Variants in WNT11 observed in about 807,000 individuals in gnomAD.
WNT11 encodes the protein Wnt family member 11.
WNT11 carries 20 observed loss-of-function variants against 35.6 expected under a neutral mutation model. That is an observed-to-expected ratio of 0.56 (90% CI 0.40 to 0.82). The LOEUF is 0.82. Among genes scored for constraint, WNT11 ranks in the 40% least tolerant of loss-of-function variants. The pLI is 0.00. For synonymous variants in WNT11, 200 were observed against 211.9 expected, an observed-to-expected ratio of 0.94 and a Z score of 0.49; for missense variants, 459 against 504.4, an observed-to-expected ratio of 0.91 and a Z score of 0.86.
upstream of WNT11, chr11:76,206,743 G>A (rs1249030162): frequency 4.9e-6 from 1 of 203,016 alleles, no homozygotes. Flanking sequence ...GGGGCAGCCG[G>A]AAGGAGGGAC....
chr11:76,190,129 C>A (rs1395179185), intron 4 of WNT11, among the ~76,000 whole-genome samples: 2 of 152,126 alleles, frequency 1.3e-5, no homozygotes, highest in East Asian at 3.9e-4. Context: ...ACTCGACAAC[C>A]CTGTGAGCGG....
upstream of WNT11, chr11:76,206,591 G>C: frequency 4.2e-6 from 5 of 1,176,552 alleles, no homozygotes; most frequent in Non-Finnish European, 5.3e-6. Context: ...TCGGGGCCCG[G>C]GGAGGCCGAG....
intron 1 of WNT11, 123 bp downstream of exon 1, chr11:76,206,202 A>T: frequency 1.1e-6 from 1 of 897,668 alleles, no homozygotes; most frequent in Non-Finnish European, 1.5e-6. Context: ...TGACTTGCCC[A>T]CGACCGCCAA....
Position 76,187,248 on chromosome 11 carries a change from G to C in WNT11, c.891-9C>G, listed in dbSNP as rs772714967. ...ATGTCTTGTTGCACTGCCTATTGTGGGGGCAGGAAGGAGGTCAGTGCATGC... is the reference window on the plus strand; with the variant it reads ...ATGTCTTGTTGCACTGCCTATTGTGCGGGCAGGAAGGAGGTCAGTGCATGC... On this transcript the variant is annotated splice_polypyrimidine_tract_variant and intron_variant, in intron 4 of 4. Coordinates refer to ENST00000322563, the MANE Select transcript of WNT11 (RefSeq NM_004626.3). 1.3e-6 allele frequency: 2 copies of C among 1,599,168 alleles called. No homozygotes were observed. Among genetic ancestry groups the C allele is most frequent in the Non-Finnish European group, 1.7e-6 (2 of 1,178,984 alleles).
Position 76,194,492 on chromosome 11 carries a change from G to A in WNT11, c.597+75C>T. On this transcript the variant is annotated intron_variant, in intron 3 of 4. Transcript: ENST00000322563. The surrounding 1 kb of genome is among the most constrained non-coding windows in gnomAD (Gnocchi z 5.4). ...CGTCCCCCCGCACCCCCCACCACTG[G>A]GGCAAGCTGGGTGGCCCTTTTCTGG... 6.7e-7 allele frequency: 1 copy of A among 1,486,704 alleles called. No individual in the cohort carries two copies. Among genetic ancestry groups the A allele is most frequent in the Non-Finnish European group, 9.0e-7 (1 of 1,111,218 alleles). 92.1% of individuals were successfully genotyped at this position (1,486,704 alleles called of 1,614,324 possible).
chr11:76,197,241 C>T (rs1027667035), intron 1 of WNT11, among the ~76,000 whole-genome samples: 2 of 152,216 alleles, frequency 1.3e-5, no homozygotes, highest in African/African-American at 2.4e-5. Context: ...CATGTGATTA[C>T]TAAACCCATT....
rs1953293491 is a variant in WNT11 at position 76,196,654 on chromosome 11, C to A, written c.148G>T (p.Gly50Cys). 6.2e-7 allele frequency: 1 copy of A among 1,613,676 alleles called. No individual in the cohort carries two copies. Among genetic ancestry groups the A allele is most frequent in the Non-Finnish European group, 8.5e-7 (1 of 1,180,012 alleles). ...NQTQHCKQLE[G>C]LVSAQVQLCR... ...AGCTGCACCTGTGCAGACACCAGAC[C>A]CTCCAGCTGCTTGCAGTGTTGCGTC... Residue 50 changes from glycine (G) to cysteine (C), a missense_variant, in exon 2 of 5, where the codon GGT becomes TGT. By Grantham distance (159) the Gly-to-Cys change is radical (BLOSUM62 -3). Transcript: ENST00000322563.
intron 1 of WNT11, among the ~76,000 whole-genome samples, chr11:76,205,034 G>A (rs1216796938): frequency 6.6e-6 from 1 of 152,180 alleles, no homozygotes; most frequent in Non-Finnish European, 1.5e-5. Flanking sequence ...AAAGGAAGGT[G>A]GCTGGTTTCT....
intron 1 of WNT11, among the ~76,000 whole-genome samples, chr11:76,201,346 A>C (rs1953373287): frequency 6.6e-6 from 1 of 152,234 alleles, no homozygotes; most frequent in Non-Finnish European, 1.5e-5. Flanking sequence ...GGCGGGAGGC[A>C]GCAGATTCCA....
At chr11:76,205,241 C>T (rs1215245077) in intron 1 of WNT11, among the ~76,000 whole-genome samples, 1 of 152,208 alleles carries the variant, frequency 6.6e-6, no homozygotes, top group Admixed American at 6.5e-5. Flanking sequence ...CCACTATCAC[C>T]CTGTCTTCCA....
At chr11:76,204,826 C>T (rs1953446158) in intron 1 of WNT11, among the ~76,000 whole-genome samples, 1 of 152,098 alleles carries the variant, frequency 6.6e-6, no homozygotes, top group Non-Finnish European at 1.5e-5. Context: ...GGGATGATGG[C>T]AGTGACCCCA....
chr11:76,189,116 A>G (rs1468918684), intron 4 of WNT11, among the ~76,000 whole-genome samples: 3 of 152,252 alleles, frequency 2.0e-5, no homozygotes, highest in Non-Finnish European at 2.9e-5. Flanking sequence ...GTGTGACTTA[A>G]GGCAGGTCAC....
intron 3 of WNT11, 101 bp from the exon 4 acceptor site, chr11:76,191,957 G>C (rs1953192617): frequency 7.3e-7 from 1 of 1,379,066 alleles, no homozygotes; most frequent in Non-Finnish European, 9.7e-7. Flanking sequence ...CTCTCAGGGA[G>C]TCACTGCCTG....
chr11:76,196,749 G>A (rs1953294919), intron 1 of WNT11, 31 bp from the exon 2 acceptor site: 2 of 1,552,384 alleles, frequency 1.3e-6, no homozygotes, highest in Non-Finnish European at 1.7e-6. Context: ...ATGACCGATG[G>A]AAGGAGAGAC....
chr11:76,210,058 C>T (rs771128670), upstream of WNT11, among the ~76,000 whole-genome samples: 18 of 151,170 alleles, frequency 1.2e-4, no homozygotes, highest in African/African-American at 3.9e-4. Context: ...CCCCCGCCCA[C>T]CACACACACC....
intron 4 of WNT11, 77 bp from the exon 5 acceptor site, chr11:76,187,316 C>A (rs1953112870): frequency 7.2e-7 from 1 of 1,393,218 alleles, no homozygotes. Flanking sequence ...CCCAGCCAGG[C>A]AGCCGGCAGC....
intron 4 of WNT11, 30 bp downstream of exon 4, chr11:76,191,534 C>T (rs1953183564): frequency 6.3e-7 from 1 of 1,597,776 alleles, no homozygotes; most frequent in Non-Finnish European, 8.6e-7. Context: ...ACCAGTGACC[C>T]TTTCCCACCA....
Position 76,186,342 on chromosome 11 carries a change from A to C in WNT11, c.*723T>G, listed in dbSNP as rs951764061. ...AAGCCGCCTTGCCTGGAAACTGGAG[A>C]GCTCCCTCTGCCAGCCCCAGGGTCT... is the stretch of plus-strand genomic sequence containing the variant. On this transcript the variant is annotated 3_prime_UTR_variant, in exon 5 of 5. Coordinates refer to ENST00000322563, the MANE Select transcript of WNT11 (RefSeq NM_004626.3). 6.6e-6 allele frequency: 1 copy of C among 151,760 alleles called. No homozygotes were observed. Among genetic ancestry groups the C allele is most frequent in the Admixed American group, 6.6e-5 (1 of 15,248 alleles). 9.4% of individuals were successfully genotyped at this position (151,760 alleles called of 1,614,324 possible). A position where few individuals can be genotyped will look rare whatever the true frequency, so the allele number is the denominator to read the frequency against.
chr11:76,195,652 G>A (rs986170827), intron 2 of WNT11, among the ~76,000 whole-genome samples: 5 of 152,186 alleles, frequency 3.3e-5, no homozygotes, highest in African/African-American at 9.7e-5. Flanking sequence ...CCTGGGAAAC[G>A]AATACGGCAC....
Sources: allele counts gnomAD v4.1 joint callset (sites outside exome capture counted in the v4.1 genomes callset), GRCh38; gene constraint gnomAD v4.1.1; non-coding constraint Gnocchi (gnomAD v3.1); transcripts MANE v1.5; gene names NCBI Gene and HGNC (gene_info 2026-07-23, HGNC 2026-07-21).